Variants in ADGRB2 observed in about 807,000 individuals in gnomAD.
ADGRB2 encodes brain-specific angiogenesis inhibitor 2.
ADGRB2 carries 47 observed loss-of-function variants against 178.7 expected under a neutral mutation model. That is an observed-to-expected ratio of 0.26 (90% confidence interval 0.21 to 0.34). ADGRB2 has a LOEUF of 0.34. ADGRB2 is among the 10% of genes least tolerant of loss of function. The pLI is 1.00. For synonymous variants in ADGRB2, 870 were observed against 912.4 expected (o/e 0.95, Z 0.84); for missense variants, 1,584 against 2,180.8 (o/e 0.73, Z 5.45).
Position 31,737,629 on chromosome 1 carries a change from C to T in ADGRB2, c.2876+23G>A, listed in dbSNP as rs766048086. On this transcript the variant is annotated intron_variant, in intron 19 of 32. Coordinates refer to ENST00000373658, the MANE Select transcript of ADGRB2 (RefSeq NM_001364857.2). ...GCGCCTGCCCCCCCTCCCCCAGCCA[C>T]AAGAGCCAGGTGTCAGACCTACCTC... The T allele has an allele frequency of 6.2e-6, 10 of 1,613,042 alleles. No homozygotes were observed. In the African/African-American group the frequency reaches 1.1e-4, roughly 17 times the overall value.
chr1:31,745,776 A>C (rs1646240982), intron 4 of ADGRB2, among the ~76,000 whole-genome samples: 1 of 152,154 alleles, frequency 6.6e-6, no homozygotes, highest in Non-Finnish European at 1.5e-5. Flanking sequence ...CTGAGTGTGA[A>C]GGGACCCACC....
At position 31,756,305 on chromosome 1, in the gene ADGRB2, G is replaced by A; in HGVS notation, c.532C>T (p.Leu178=). ...AAGACCTCGACAAAGCGGAAGGCTA[G>A]GGCAGCGGGCGCCAGCAGGCGCGGG... The part of the protein sequence containing the change: ...EAPRLLAPAA[L]AFRFVEVLLI... Residue 178 remains leucine, a synonymous_variant, in exon 4 of 33, where the codon CTA becomes TTA. Coordinates refer to ENST00000373658, the MANE Select transcript of ADGRB2 (RefSeq NM_001364857.2). The surrounding 1 kb of genome is among the most constrained non-coding windows in gnomAD (Gnocchi z 8.5). The A allele has an allele frequency of 6.2e-7, 1 of 1,613,038 alleles. No homozygotes were observed. The highest frequency in any genetic ancestry group is 8.5e-7 in the Non-Finnish European group (1 of 1,179,964).
intron 4 of ADGRB2, among the ~76,000 whole-genome samples, chr1:31,745,765 G>A (rs1046661652): frequency 2.0e-5 from 3 of 152,162 alleles, no homozygotes; most frequent in Admixed American, 1.3e-4. Flanking sequence ...GGACAGGCAC[G>A]CTGAGTGTGA....
intron 20 of ADGRB2, 141 bp downstream of exon 20, chr1:31,737,288 T>G: frequency 1.3e-6 from 1 of 797,600 alleles, no homozygotes; most frequent in Non-Finnish European, 2.1e-6. Flanking sequence ...TCACACACTA[T>G]TTCATACACA....
chr1:31,732,284 C>T, intron 27 of ADGRB2, 130 bp from the exon 28 acceptor site: 27 of 1,356,874 alleles, frequency 2.0e-5, no homozygotes, highest in Non-Finnish European at 2.8e-5. Flanking sequence ...GCCCATAGCC[C>T]ATGGCCCAGC....
In ADGRB2 at chr1:31,758,505, T is replaced by A. The variant is rs1406590934; in HGVS notation, c.-190-994A>T. Among the ~76,000 whole-genome samples the A allele has an allele frequency of 6.6e-6, 1 of 152,190 alleles. No homozygotes were observed. Among genetic ancestry groups the A allele is most frequent in the Non-Finnish European group, 1.5e-5 (1 of 68,022 alleles). ...ACTTCCCCTTGGGTCTTCAGGAGTC[T>A]AAACAGCAGGCAGAGGGGGGACAGA... On this transcript the variant is annotated intron_variant, in intron 1 of 32. Transcript: ENST00000373658. This position sits in a 1 kb window ranked among gnomAD's most constrained non-coding sequence, Gnocchi z 4.2.
intron 28 of ADGRB2, 55 bp from the exon 29 acceptor site, chr1:31,731,474 A>T (rs1447117440): frequency 3.6e-5 from 54 of 1,520,872 alleles, no homozygotes; most frequent in Non-Finnish European, 4.8e-5. Flanking sequence ...GAACCTCCAG[A>T]TGCCATTGCC....
intron 4 of ADGRB2, among the ~76,000 whole-genome samples, chr1:31,746,815 C>T (rs1185093858): frequency 1.3e-5 from 2 of 152,200 alleles, no homozygotes; most frequent in African/African-American, 4.8e-5. Flanking sequence ...CACCCATTAT[C>T]CCTTCTCATC....
In ADGRB2 at chr1:31,744,278, G is replaced by A. The variant is rs1054569005; in HGVS notation, c.1002C>T (p.Arg334=). 3 of 1,551,264 alleles carry A rather than the reference G, an allele frequency of 1.9e-6. No individual in the cohort carries two copies. Among genetic ancestry groups the A allele is most frequent in the East Asian group, 4.9e-5 (2 of 40,934 alleles). ...TCCCATAGGGGGAGGACACACAGGAGCGGGTCCGCACCTGCAGACCCTGCC... is the reference window on the plus strand; with the variant it reads ...TCCCATAGGGGGAGGACACACAGGAACGGGTCCGCACCTGCAGACCCTGCC... ...TCGQGLQVRT[R]SCVSSPYGTL... The change falls in exon 6 of 33, where the codon CGC becomes CGT. Residue 334 remains arginine, a synonymous_variant. Coordinates refer to ENST00000373658, the MANE Select transcript of ADGRB2 (RefSeq NM_001364857.2). The surrounding 1 kb of genome is among the most constrained non-coding windows in gnomAD (Gnocchi z 6.7).
Position 31,738,600 on chromosome 1 carries a change from C to G in ADGRB2, c.2632G>C (p.Asp878His). 1 of 1,610,966 alleles carries G rather than the reference C, an allele frequency of 6.2e-7. No individual in the cohort carries two copies. Among genetic ancestry groups the G allele is most frequent in the Non-Finnish European group, 8.5e-7 (1 of 1,178,530 alleles). ...CACCCAACTCACGCTCTGGAGTAGT[C>G]CCAGCTGGCGCAATGGGGATCCGTG... is the stretch of plus-strand genomic sequence containing the variant. The part of the protein sequence containing the change: ...GTTDPHCASW[D>H]YSRADASSGD... Residue 878 changes from aspartate (D) to histidine (H), a missense_variant, in exon 17 of 33, where the codon GAC becomes CAC. Asp to His is a moderately conservative substitution (Grantham distance 81). Around this residue, in one of 3 missense-constraint regions of ADGRB2, gnomAD observed 865 missense variants for 1,192.8 expected, o/e 0.73. Transcript: ENST00000373658.
chr1:31,750,966 C>G (rs1646537569), intron 4 of ADGRB2, among the ~76,000 whole-genome samples: 1 of 152,156 alleles, frequency 6.6e-6, no homozygotes, highest in Admixed American at 6.5e-5. Flanking sequence ...CCACCTCCCC[C>G]ATGTGGCCAG....
chr1:31,763,517 G>GT (rs1235896422), intron 1 of ADGRB2, among the ~76,000 whole-genome samples: 14 of 140,206 alleles, frequency 1.0e-4, no homozygotes, highest in African/African-American at 3.6e-4. Flanking sequence ...TCTAATAAAG[G>GT]TGGGGGGCAC....
chr1:31,732,311 C>G (rs946261022), intron 27 of ADGRB2, among the ~76,000 whole-genome samples, 157 bp from the exon 28 acceptor site: 2 of 152,240 alleles, frequency 1.3e-5, no homozygotes, highest in African/African-American at 4.8e-5. Context: ...CAGGCATGGC[C>G]TACCCCAGCC....
rs1186710907 is a variant in ADGRB2 at position 31,738,606 on chromosome 1, T to C, written c.2626A>G (p.Ser876Gly). ...ACTCACGCTCTGGAGTAGTCCCAGC[T>C]GGCGCAATGGGGATCCGTGGTCCCC... ...INGTTDPHCA[S>G]WDYSRADASS... The change falls in exon 17 of 33, where the codon AGC becomes GGC. Residue 876 changes from serine to glycine, a missense_variant. By Grantham distance (56) the Ser-to-Gly change is moderately conservative. Around this residue, in one of 3 missense-constraint regions of ADGRB2, gnomAD observed 865 missense variants for 1,192.8 expected, o/e 0.73. Transcript: ENST00000373658. 6.2e-7 allele frequency: 1 copy of C among 1,611,446 alleles called. No individual in the cohort carries two copies. Among genetic ancestry groups the C allele is most frequent in the Non-Finnish European group, 8.5e-7 (1 of 1,178,846 alleles).
rs191936499 is a variant in ADGRB2, at chr1:31,743,115, T to G, written c.1088-113A>C. 1,703 of 1,223,654 alleles carry G rather than the reference T, an allele frequency of 1.4e-3. 6 individuals are homozygous for G. Among genetic ancestry groups the G allele is most frequent in the South Asian group, 5.3e-3 (271 of 50,972 alleles). The allele number at this position is 1,223,654 out of a possible 1,614,324, so 75.8% of individuals were successfully genotyped here. A position where few individuals can be genotyped will look rare whatever the true frequency, so the allele number is the denominator to read the frequency against. ...TCCGCAGCTCTGCGGCTGCTCCTCA[T>G]TGGCTCTGCCCCGGGATCTGTTGCC... On this transcript the variant is annotated intron_variant, in intron 6 of 32. Coordinates refer to ENST00000373658, the MANE Select transcript of ADGRB2 (RefSeq NM_001364857.2).
In ADGRB2 at chr1:31,740,943, A is replaced by T. The variant is rs1645928452; in HGVS notation, c.1795-402T>A. Reference sequence around the variant, plus strand: ...CACACACACTGTCTTTCTCTCTCTCACTCTCTCTCAACACAAGCTCTAAAT... The same window carrying T: ...CACACACACTGTCTTTCTCTCTCTCTCTCTCTCTCAACACAAGCTCTAAAT... On this transcript the variant is annotated intron_variant, in intron 11 of 32. Coordinates refer to ENST00000373658, the MANE Select transcript of ADGRB2 (RefSeq NM_001364857.2). This position sits in a 1 kb window ranked among gnomAD's most constrained non-coding sequence, Gnocchi z 5.9. Among the ~76,000 whole-genome samples the T allele has an allele frequency of 7.2e-6, 1 of 138,856 alleles. No individual in the cohort carries two copies. The highest frequency in any genetic ancestry group is 1.6e-5 in the Non-Finnish European group (1 of 63,466). The allele number at this position is 138,856 out of a possible 152,430, so 91.1% of individuals were successfully genotyped here.
chr1:31,739,753 G>A (rs962579255), intron 14 of ADGRB2, 118 bp from the exon 15 acceptor site: 37 of 1,278,060 alleles, frequency 2.9e-5, no homozygotes, highest in African/African-American at 4.5e-5. Flanking sequence ...TGTGGACACC[G>A]AAGTTGGTAC....
intron 29 of ADGRB2, among the ~76,000 whole-genome samples, chr1:31,729,665 C>T (rs527773347): frequency 3.9e-5 from 6 of 152,360 alleles, no homozygotes; most frequent in East Asian, 1.9e-4. Context: ...CCGCCCATCA[C>T]GGTTGCCCAC....
Position 31,733,222 on chromosome 1 carries a change from G to GAA in ADGRB2, c.3453-80_3453-79insTT. 1 of 1,472,834 alleles carries GAA rather than the reference G, an allele frequency of 6.8e-7. No individual in the cohort carries two copies. Among genetic ancestry groups the GAA allele is most frequent in the Non-Finnish European group, 9.1e-7 (1 of 1,094,806 alleles). The allele number at this position is 1,472,834 out of a possible 1,614,324, so 91.2% of individuals were successfully genotyped here. On this transcript the variant is annotated intron_variant, in intron 25 of 32. Transcript: ENST00000373658. This position sits in a 1 kb window ranked among gnomAD's most constrained non-coding sequence, Gnocchi z 4.3. ...CTTGAGCCTAGGCCTCCACTCAGCT[G>GAA]GAGCTCTTCAGCTGCCCAAGACTGG...
Sources: allele counts gnomAD v4.1 joint callset (sites outside exome capture counted in the v4.1 genomes callset), GRCh38; gene constraint gnomAD v4.1.1; regional missense constraint gnomAD v4.1.1; non-coding constraint Gnocchi (gnomAD v3.1); transcripts MANE v1.5; gene names NCBI Gene and HGNC (gene_info 2026-07-23, HGNC 2026-07-21).